TLK1: variants seen among roughly 807,000 people sequenced by gnomAD.
TLK1 encodes serine/threonine-protein kinase tousled-like 1.
In TLK1, 24 loss-of-function variants were observed where a neutral mutation model predicts 105.3. That is an observed-to-expected ratio of 0.23 (90% CI 0.17 to 0.32). The LOEUF (loss-of-function observed/expected upper bound fraction) is 0.32, where lower values mean the gene tolerates loss of function less well. TLK1 is among the 10% of genes least tolerant of loss of function. TLK1 has a pLI of 1.00. For synonymous variants in TLK1, 321 were observed against 310.4 expected (o/e 1.03, Z -0.36); for missense variants, 558 against 910.5 (o/e 0.61, Z 4.98).
chr2:171,038,161 A>C (rs1252064310), intron 11 of TLK1, among the ~76,000 whole-genome samples: 1 of 152,306 alleles, frequency 6.6e-6, no homozygotes. Flanking sequence ...TTTCCTTTAA[A>C]TATCTAGACA....
intron 2 of TLK1, among the ~76,000 whole-genome samples, chr2:171,109,534 A>G (rs1047327850): frequency 6.6e-6 from 1 of 152,204 alleles, no homozygotes; most frequent in Non-Finnish European, 1.5e-5. Flanking sequence ...AAGAATCACA[A>G]CAAAATGTCA....
intron 3 of TLK1, among the ~76,000 whole-genome samples, chr2:171,072,385 G>C (rs901019091): frequency 6.6e-6 from 1 of 152,060 alleles, no homozygotes; most frequent in Non-Finnish European, 1.5e-5. Flanking sequence ...AGGCCAAGGG[G>C]GGCGGATCAC....
chr2:171,012,953 G>T (rs1033434643), intron 13 of TLK1, among the ~76,000 whole-genome samples: 8 of 151,682 alleles, frequency 5.3e-5, no homozygotes, highest in Non-Finnish European at 1.2e-4. Context: ...CACAAAATTT[G>T]AAATGTAATT....
intron 3 of TLK1, among the ~76,000 whole-genome samples, chr2:171,068,704 T>C (rs1460569436): frequency 6.6e-6 from 1 of 152,212 alleles, no homozygotes; most frequent in Non-Finnish European, 1.5e-5. Flanking sequence ...TAGGTTTATA[T>C]ATAAAATAGT....
chr2:171,192,702 TAAAG>T (rs942785571), intron 1 of TLK1, among the ~76,000 whole-genome samples: 2 of 147,780 alleles, frequency 1.4e-5, no homozygotes, highest in South Asian at 2.1e-4. Context: ...ATAAAAAAAA[TAAAG>T]AAGAAGTATT....
intron 1 of TLK1, among the ~76,000 whole-genome samples, chr2:171,168,679 T>C (rs1380813406): frequency 6.6e-6 from 1 of 152,204 alleles, no homozygotes; most frequent in Non-Finnish European, 1.5e-5. Context: ...CAAGATAATA[T>C]AAACACCAAT....
At chr2:171,132,603 A>G (rs1218222630) in intron 1 of TLK1, among the ~76,000 whole-genome samples, 1 of 152,268 alleles carries the variant, frequency 6.6e-6, no homozygotes, top group Non-Finnish European at 1.5e-5. Flanking sequence ...GATAATTAAA[A>G]GCCTAAAAGG....
At chr2:171,050,246 TC>T (rs2105429842) in intron 8 of TLK1, 72 bp from the exon 9 acceptor site, 1 of 1,056,320 alleles carries the variant, frequency 9.5e-7, no homozygotes, top group Non-Finnish European at 1.4e-6. Context: ...GTTTTAATGT[TC>T]TAAATAAATT....
At chr2:171,121,610 G>T (rs1378106640) in intron 1 of TLK1, among the ~76,000 whole-genome samples, 2 of 152,106 alleles carry the variant, frequency 1.3e-5, no homozygotes, top group African/African-American at 2.4e-5. Context: ...AAAGAACATG[G>T]TTACAAAATG....
chr2:171,135,125 A>C (rs1384642367), intron 1 of TLK1, among the ~76,000 whole-genome samples: 1 of 152,164 alleles, frequency 6.6e-6, no homozygotes, highest in Non-Finnish European at 1.5e-5. Context: ...TGAGTTAGAC[A>C]GAAAAAATAA....
intron 12 of TLK1, among the ~76,000 whole-genome samples, chr2:171,020,278 A>G (rs1198641287): frequency 1.3e-5 from 2 of 152,098 alleles, no homozygotes; most frequent in African/African-American, 4.8e-5. Flanking sequence ...GCGGTGGCTC[A>G]TGCCTATAAT....
At chr2:171,084,134 CATT>C (rs1688866640) in intron 2 of TLK1, among the ~76,000 whole-genome samples, 1 of 152,082 alleles carries the variant, frequency 6.6e-6, no homozygotes, top group South Asian at 2.1e-4. Context: ...TGTATGGTAT[CATT>C]ATCAATATGG....
In TLK1 at chr2:171,006,296, A is replaced by T; in HGVS notation, c.1769-14T>A. Reference sequence around the variant, plus strand: ...GTAGGATGTTTCCTAAGAATAAAATATAAGATTCTTTTAATGATACATACA... The same window carrying T: ...GTAGGATGTTTCCTAAGAATAAAATTTAAGATTCTTTTAATGATACATACA... On this transcript the variant is annotated splice_polypyrimidine_tract_variant and intron_variant, in intron 17 of 20. Coordinates refer to ENST00000431350, the MANE Select transcript of TLK1 (RefSeq NM_012290.5). The T allele has an allele frequency of 6.4e-7, 1 of 1,572,448 alleles. No homozygotes were observed. The highest frequency in any genetic ancestry group is 8.6e-7 in the Non-Finnish European group (1 of 1,165,560).
At chr2:171,196,580 G>A (rs935536208) in intron 1 of TLK1, among the ~76,000 whole-genome samples, 3 of 152,136 alleles carry the variant, frequency 2.0e-5, no homozygotes, top group Non-Finnish European at 4.4e-5. Context: ...TTTTTTCTAT[G>A]TCCGCTCTCG....
intron 1 of TLK1, among the ~76,000 whole-genome samples, chr2:171,148,924 T>C (rs1297401624): frequency 6.8e-6 from 1 of 147,172 alleles, no homozygotes; most frequent in Non-Finnish European, 1.5e-5. Flanking sequence ...TGTGTGTGTG[T>C]GTGCGTGTGC....
intron 2 of TLK1, among the ~76,000 whole-genome samples, chr2:171,106,726 T>G (rs1023726141): frequency 6.6e-6 from 1 of 152,210 alleles, no homozygotes; most frequent in African/African-American, 2.4e-5. Context: ...TCATTAAAAT[T>G]TGCCTACCTA....
chr2:171,028,434 T>A (rs1225227788), intron 11 of TLK1, 29 bp from the exon 12 acceptor site: 1 of 1,414,386 alleles, frequency 7.1e-7, no homozygotes, highest in Non-Finnish European at 1.0e-6. Flanking sequence ...TAATTCTACA[T>A]ATTGAGATTA....
chr2:171,212,115 C>G (rs1427318619), intron 1 of TLK1, among the ~76,000 whole-genome samples: 4 of 152,154 alleles, frequency 2.6e-5, no homozygotes, highest in Non-Finnish European at 5.9e-5. Context: ...GCTGGGATTA[C>G]AGGCGTGAGC....
intron 2 of TLK1, among the ~76,000 whole-genome samples, chr2:171,092,336 C>CT (rs1446001923): frequency 6.6e-6 from 1 of 152,172 alleles, no homozygotes. Flanking sequence ...ATGACATTCA[C>CT]TTTCACACTA....
Sources: allele counts gnomAD v4.1 joint callset (sites outside exome capture counted in the v4.1 genomes callset), GRCh38; gene constraint gnomAD v4.1.1; transcripts MANE v1.5; gene names NCBI Gene and HGNC (gene_info 2026-07-23, HGNC 2026-07-21).